Variants in LRRC4C observed in about 807,000 individuals in gnomAD.
The protein encoded by LRRC4C is leucine-rich repeat-containing protein 4C.
In LRRC4C, 5 loss-of-function variants were observed where a neutral mutation model predicts 33.6. That is an observed-to-expected ratio of 0.15 (90% CI 0.08 to 0.31). LRRC4C has a LOEUF of 0.31. Among genes scored for constraint, LRRC4C ranks in the 10% least tolerant of loss-of-function variants. The probability of loss-of-function intolerance (pLI) is 1.00; values close to 1 mark genes in which losing one functional copy is unlikely to be tolerated. For missense variants in LRRC4C, 560 were observed against 796.7 expected (o/e 0.70, Z 3.58); for synonymous variants, 329 against 302.0 (o/e 1.09, Z -0.93).
chr11:40,956,526 A>G (rs1048541731), intron 1 of LRRC4C, among the ~76,000 whole-genome samples: 9 of 151,736 alleles, frequency 5.9e-5, no homozygotes, highest in Admixed American at 5.3e-4. Context: ...TAAATTTCTC[A>G]TCTGTATAAT....
intron 1 of LRRC4C, among the ~76,000 whole-genome samples, chr11:41,079,306 G>A (rs1190287716): frequency 6.6e-6 from 1 of 152,154 alleles, no homozygotes; most frequent in Non-Finnish European, 1.5e-5. Flanking sequence ...GCATGGAGAA[G>A]TAGCAATATC....
intron 1 of LRRC4C, among the ~76,000 whole-genome samples, chr11:41,349,781 C>A (rs939640499): frequency 1.3e-5 from 2 of 152,158 alleles, no homozygotes; most frequent in African/African-American, 4.8e-5. Flanking sequence ...CTCCAAACAG[C>A]CACACTAGGT....
chr11:41,232,604 AAAT>A (rs1947848961), intron 1 of LRRC4C, among the ~76,000 whole-genome samples: 1 of 152,094 alleles, frequency 6.6e-6, no homozygotes, highest in Admixed American at 6.6e-5. Context: ...AGTTATCAAT[AAAT>A]AATATGTGTA....
chr11:41,401,722 C>T (rs1407226967), intron 1 of LRRC4C, among the ~76,000 whole-genome samples: 1 of 151,972 alleles, frequency 6.6e-6, no homozygotes, highest in South Asian at 2.1e-4. Flanking sequence ...TTTATTCGTT[C>T]ACTTGTTTAC....
At chr11:41,246,015 A>G (rs1316509082) in intron 1 of LRRC4C, among the ~76,000 whole-genome samples, 1 of 152,126 alleles carries the variant, frequency 6.6e-6, no homozygotes, top group Non-Finnish European at 1.5e-5. Flanking sequence ...ACTCGGGTCC[A>G]CAGAACTGGT....
intron 4 of LRRC4C, among the ~76,000 whole-genome samples, chr11:40,285,392 G>T (rs183861304): frequency 6.6e-6 from 1 of 152,268 alleles, no homozygotes; most frequent in East Asian, 1.9e-4. Flanking sequence ...GTATTACAGA[G>T]AGATCAAACA....
In LRRC4C at chr11:41,303,968, C is replaced by A. The variant is rs1329807347; in HGVS notation, c.-496+155463G>T. ...CTGGGAAGTGAGGAGCGTCTCCGCC[C>A]GGCAGCCACCCCGTCCGGGAGGGAG... is the stretch of plus-strand genomic sequence containing the variant. On this transcript the variant is annotated intron_variant, in intron 1 of 6. Coordinates refer to ENST00000528697, the MANE Select transcript of LRRC4C (RefSeq NM_001258419.2). Among the ~76,000 whole-genome samples, 7 of 93,558 alleles carry A rather than the reference C, an allele frequency of 7.5e-5. 1 individual carries two copies. Among genetic ancestry groups the A allele is most frequent in the African/African-American group, 2.2e-4 (7 of 31,180 alleles). The allele number at this position is 93,558 out of a possible 152,430, so 61.4% of individuals were successfully genotyped here.
chr11:40,937,603 ATG>A (rs35416837), intron 1 of LRRC4C, among the ~76,000 whole-genome samples: 8,923 of 135,788 alleles, frequency 0.066, 470 homozygotes, highest in East Asian at 0.27. Flanking sequence ...GTGTGTGTAT[ATG>A]TGTGTGTGTG....
intron 2 of LRRC4C, among the ~76,000 whole-genome samples, chr11:40,863,237 A>G (rs571579738): frequency 6.6e-6 from 1 of 152,316 alleles, no homozygotes; most frequent in South Asian, 2.1e-4. Flanking sequence ...CTCATGGTCT[A>G]CTTACCAAGA....
intron 1 of LRRC4C, among the ~76,000 whole-genome samples, chr11:40,944,236 G>T (rs576502023): frequency 2.0e-5 from 3 of 151,958 alleles, no homozygotes; most frequent in African/African-American, 7.2e-5. Flanking sequence ...AAAAACCCAA[G>T]CTAAAAACAT....
intron 1 of LRRC4C, among the ~76,000 whole-genome samples, chr11:41,423,101 A>G (rs1421985951): frequency 6.6e-6 from 1 of 152,160 alleles, no homozygotes; most frequent in Non-Finnish European, 1.5e-5. Context: ...TAATAGTGAC[A>G]AACACTGGGG....
At chr11:41,195,162 A>C (rs781696502) in intron 1 of LRRC4C, among the ~76,000 whole-genome samples, 10 of 152,030 alleles carry the variant, frequency 6.6e-5, no homozygotes, top group Non-Finnish European at 1.0e-4. Flanking sequence ...GTCACAACTT[A>C]ATTTCCCCAG....
At chr11:40,464,411 G>A (rs1191748794) in intron 3 of LRRC4C, among the ~76,000 whole-genome samples, 3 of 151,814 alleles carry the variant, frequency 2.0e-5, no homozygotes, top group African/African-American at 7.3e-5. Flanking sequence ...CCAAGACCTG[G>A]AACAAGGCAA....
chr11:40,398,430 C>T (rs1949627458), intron 3 of LRRC4C, among the ~76,000 whole-genome samples: 1 of 151,916 alleles, frequency 6.6e-6, no homozygotes. Context: ...GATCCAAATG[C>T]CTGTTGTGGT....
chr11:40,939,988 A>T (rs1958072222), intron 1 of LRRC4C, among the ~76,000 whole-genome samples: 1 of 152,164 alleles, frequency 6.6e-6, no homozygotes, highest in Non-Finnish European at 1.5e-5. Flanking sequence ...CAAGTGCTGG[A>T]TTACCATGTA....
intron 1 of LRRC4C, among the ~76,000 whole-genome samples, chr11:41,103,588 G>C (rs534655400): frequency 6.6e-6 from 1 of 151,864 alleles, no homozygotes; most frequent in Non-Finnish European, 1.5e-5. Flanking sequence ...GAGGTTTATA[G>C]TCTGGGAAAG....
chr11:40,905,316 T>C (rs192515066), intron 2 of LRRC4C, among the ~76,000 whole-genome samples: 64 of 152,096 alleles, frequency 4.2e-4, no homozygotes, highest in African/African-American at 1.5e-3. Context: ...CAGTTTCACG[T>C]GTCTAAGTCC....
chr11:40,275,743 T>C (rs762485743), intron 4 of LRRC4C, among the ~76,000 whole-genome samples: 2 of 152,138 alleles, frequency 1.3e-5, no homozygotes, highest in Non-Finnish European at 2.9e-5. Flanking sequence ...AATGAAAACC[T>C]AACAAAAAAG....
intron 1 of LRRC4C, among the ~76,000 whole-genome samples, chr11:41,278,500 A>T (rs576004393): frequency 3.9e-5 from 6 of 152,226 alleles, no homozygotes; most frequent in Non-Finnish European, 7.3e-5. Flanking sequence ...ATACAAATTC[A>T]TGTCAATTTA....
Sources: allele counts gnomAD v4.1 joint callset (sites outside exome capture counted in the v4.1 genomes callset), GRCh38; gene constraint gnomAD v4.1.1; transcripts MANE v1.5; gene names NCBI Gene and HGNC (gene_info 2026-07-23, HGNC 2026-07-21).